Variants in ADAMTSL2 observed in about 807,000 individuals in gnomAD.
ADAMTSL2 encodes ADAMTS-like protein 2.
ADAMTSL2 carries 55 observed loss-of-function variants against 117.0 expected under a neutral mutation model. The ratio of observed to expected loss-of-function variants is 0.47; its 90% CI spans 0.38 to 0.59. The LOEUF (loss-of-function observed/expected upper bound fraction) is 0.59. Among genes scored for constraint, ADAMTSL2 ranks in the 20% least tolerant of loss-of-function variants. The probability of loss-of-function intolerance (pLI) is 0.00; values close to 1 mark genes in which losing one functional copy is unlikely to be tolerated. For missense variants in ADAMTSL2, 1,182 were observed against 1,354.5 expected (o/e 0.87, Z 2.00); for synonymous variants, 572 against 566.4 (o/e 1.01, Z -0.14).
Position 133,574,824 on chromosome 9 carries a change from G to A in ADAMTSL2, c.2816G>A (p.Ser939Asn). 1 of 1,613,590 alleles carries A rather than the reference G, an allele frequency of 6.2e-7. No homozygotes were observed. The highest frequency in any genetic ancestry group is 1.1e-5 in the South Asian group (1 of 91,084). The change falls in exon 19 of 19, where the codon AGC becomes AAC. Residue 939 changes from serine to asparagine, a missense_variant. Physicochemically the swap from Ser to Asn is conservative, Grantham distance 46 (BLOSUM62 1). This residue lies in a region of ADAMTSL2 where 465 missense variants were observed against 565.3 expected (regional missense o/e 0.82). Coordinates refer to ENST00000651351, the MANE Select transcript of ADAMTSL2 (RefSeq NM_014694.4). ...KVNLCGHWYY[S>N]KACCRSCRPP... ...AACCTCTGCGGGCACTGGTACTACAGCAAGGCGTGCTGCCGCTCCTGCAGG... is the reference window on the plus strand; with the variant it reads ...AACCTCTGCGGGCACTGGTACTACAACAAGGCGTGCTGCCGCTCCTGCAGG...
chr9:133,562,348 C>G (rs1830747436), intron 12 of ADAMTSL2, among the ~76,000 whole-genome samples: 1 of 152,276 alleles, frequency 6.6e-6, no homozygotes, highest in African/African-American at 2.4e-5. Context: ...AGCCCCCAAA[C>G]AGGGCATAGC....
Position 133,558,985 on chromosome 9 carries a change from C to T in ADAMTSL2, c.1650-2213C>T, listed in dbSNP as rs1224078699. On this transcript the variant is annotated intron_variant, in intron 11 of 18. Coordinates refer to ENST00000651351, the MANE Select transcript of ADAMTSL2 (RefSeq NM_014694.4). This position sits in a 1 kb window ranked among gnomAD's most constrained non-coding sequence, Gnocchi z 4.3. ...TAAAATCCAAAGGGTTATTTTGAAC[C>T]GGGCCCGCTCTCTCTTGAGTCAGGC... Among the ~76,000 whole-genome samples the T allele has an allele frequency of 1.3e-5, 2 of 152,140 alleles. No individual in the cohort carries two copies. Among genetic ancestry groups the T allele is most frequent in the Middle Eastern group, 3.2e-3 (1 of 316 alleles).
At chr9:133,564,597 G>GGAGAGAGAGGGAGAGA (rs1564178902) in intron 12 of ADAMTSL2, among the ~76,000 whole-genome samples, 1 of 26,144 alleles carries the variant, frequency 3.8e-5, no homozygotes. Context: ...AGAGAGAGGG[G>GGAGAGAGAGGGAGAGA]GAGAGAGAGG....
At chr9:133,566,012 G>A (rs1293890521) in intron 12 of ADAMTSL2, among the ~76,000 whole-genome samples, 14 of 152,220 alleles carry the variant, frequency 9.2e-5, no homozygotes, top group South Asian at 2.1e-4. Flanking sequence ...GTGCAGGGGC[G>A]AGGACGAAAG....
At chr9:133,539,672 C>CGGCTGTCCCGGCTGTCCCGGCTGTCCT (rs1554810818) in intron 4 of ADAMTSL2, 99 bp from the exon 5 acceptor site, 105 of 1,253,036 alleles carry the variant, frequency 8.4e-5, no homozygotes, top group Non-Finnish European at 1.0e-4. Flanking sequence ...CCGGCTGTCC[C>CGGCTGTCCCGGCTGTCCCGGCTGTCCT]GGCTGTCCCG....
intron 17 of ADAMTSL2, among the ~76,000 whole-genome samples, chr9:133,571,014 C>T (rs986364893): frequency 6.6e-6 from 1 of 152,152 alleles, no homozygotes; most frequent in Non-Finnish European, 1.5e-5. Context: ...CGGGTCTGGC[C>T]CCTCCGAGAT....
At chr9:133,570,570 C>T in intron 17 of ADAMTSL2, 63 bp downstream of exon 17, 1 of 1,545,980 alleles carries the variant, frequency 6.5e-7, no homozygotes. Context: ...GATCCCGCCC[C>T]TCCCGCCTCA....
At chr9:133,546,263 C>A (rs1172837434) in intron 8 of ADAMTSL2, among the ~76,000 whole-genome samples, 1 of 152,140 alleles carries the variant, frequency 6.6e-6, no homozygotes, top group Admixed American at 6.5e-5. Flanking sequence ...TGCAGGGCTT[C>A]ATGGGCCATT....
In ADAMTSL2 at chr9:133,538,424, G is replaced by A. The variant is rs766321839; in HGVS notation, c.309G>A (p.Gln103=). The change falls in exon 4 of 19, where the codon CAG becomes CAA. Residue 103 remains glutamine, a splice_region_variant and synonymous_variant. Coordinates refer to ENST00000651351, the MANE Select transcript of ADAMTSL2 (RefSeq NM_014694.4). The part of the protein sequence containing the change: ...TSKRYQLCRV[Q]ECPPDGRSFR... ...AGCGGTACCAGCTCTGCAGAGTGCAGGTGAGGCCCGGCCCGGGCAGGGGCA... is the reference window on the plus strand; with the variant it reads ...AGCGGTACCAGCTCTGCAGAGTGCAAGTGAGGCCCGGCCCGGGCAGGGGCA... 6.2e-7 allele frequency: 1 copy of A among 1,613,042 alleles called. No individual in the cohort carries two copies. Among genetic ancestry groups the A allele is most frequent in the Non-Finnish European group, 8.5e-7 (1 of 1,179,942 alleles).
chr9:133,534,864 C>A lies in ADAMTSL2; in HGVS notation c.-204C>A. 6.7e-7 allele frequency: 1 copy of A among 1,485,312 alleles called. No homozygotes were observed. 92.0% of individuals were successfully genotyped at this position (1,485,312 alleles called of 1,614,324 possible). ...CACAGCGCACCTGGCGCCGTCTGCCCTCCGCAGCGCTCGCCCCTTTCTCTG... is the reference window on the plus strand; with the variant it reads ...CACAGCGCACCTGGCGCCGTCTGCCATCCGCAGCGCTCGCCCCTTTCTCTG... On this transcript the variant is annotated 5_prime_UTR_variant, in exon 1 of 19. Coordinates refer to ENST00000651351, the MANE Select transcript of ADAMTSL2 (RefSeq NM_014694.4).
intron 17 of ADAMTSL2, among the ~76,000 whole-genome samples, chr9:133,572,186 C>G (rs1831123310): frequency 6.6e-6 from 1 of 150,530 alleles, no homozygotes. Context: ...CCCCCCACCC[C>G]CCACCCCGCC....
rs538552140 is a variant in ADAMTSL2, at chr9:133,551,552, G to A, written c.940-2805G>A. Among the ~76,000 whole-genome samples, 9 of 152,308 alleles carry A rather than the reference G, an allele frequency of 5.9e-5. No homozygotes were observed. The South Asian group carries it at 6.2e-4, about 11-fold the overall frequency. On this transcript the variant is annotated intron_variant, in intron 9 of 18. Transcript: ENST00000651351. ...GCCCAAGTGTTCCATCTCTAGTAGG[G>A]CCTCGCAGTGTGCCAGAAGTTTTTT...
chr9:133,555,971 G>T, intron 11 of ADAMTSL2, 41 bp downstream of exon 11: 1 of 1,598,498 alleles, frequency 6.3e-7, no homozygotes, highest in Non-Finnish European at 8.5e-7. Context: ...GGCCCTCAGG[G>T]GGCAGGATGG....
At position 133,534,773 on chromosome 9, in the gene ADAMTSL2, G is replaced by GGGGGAGGA. The variant is rs1482334216; in HGVS notation, c.-289_-282dup. 6.8e-7 allele frequency: 1 copy of GGGGGAGGA among 1,466,942 alleles called. No individual in the cohort carries two copies. The highest frequency in any genetic ancestry group is 1.3e-5 in the South Asian group (1 of 74,326). The allele number at this position is 1,466,942 out of a possible 1,614,324, so 90.9% of individuals were successfully genotyped here. The stretch of plus-strand genomic sequence containing the variant: ...TTGAAGTGGGAGAGGGAGGCGGCGC[G>GGGGGAGGA]GGGGAGGAGGGGAAGGGGAGAGGGA... On this transcript the variant is annotated 5_prime_UTR_variant, in exon 1 of 19. An upstream open reading frame in the 5' UTR gains an earlier in-frame stop. Transcript: ENST00000651351.
intron 11 of ADAMTSL2, among the ~76,000 whole-genome samples, chr9:133,560,706 G>A (rs1337694658): frequency 6.6e-6 from 1 of 152,234 alleles, no homozygotes; most frequent in African/African-American, 2.4e-5. Context: ...TTGGAGGCTG[G>A]ATGCCTAGTG....
At chr9:133,556,330 GC>G (rs2131143049) in intron 11 of ADAMTSL2, among the ~76,000 whole-genome samples, 1 of 152,342 alleles carries the variant, frequency 6.6e-6, no homozygotes, top group South Asian at 2.1e-4. Context: ...GTTGCTATTT[GC>G]TATTGTGGGC....
At chr9:133,562,385 C>T (rs1270964783) in intron 12 of ADAMTSL2, among the ~76,000 whole-genome samples, 2 of 152,346 alleles carry the variant, frequency 1.3e-5, no homozygotes, top group African/African-American at 2.4e-5. Flanking sequence ...TTCGCCCCTG[C>T]GCCTGGCATC....
At position 133,555,694 on chromosome 9, in the gene ADAMTSL2, C is replaced by G; in HGVS notation, c.1413C>G (p.Asp471Glu). The G allele has an allele frequency of 6.2e-7, 1 of 1,613,946 alleles. No individual in the cohort carries two copies. Among genetic ancestry groups the G allele is most frequent in the South Asian group, 1.1e-5 (1 of 91,088 alleles). ...TGGGCGCAGGCTCTGACTTGAAGGA[C>G]TTCACCCTCAATGAGACTGTGAACA... ...QLLGAGSDLK[D>E]FTLNETVNSI... The change falls in exon 11 of 19, where the codon GAC (aspartate) becomes GAG (glutamate). Residue 471 changes from aspartate (D) to glutamate (E), a missense_variant. This residue lies in a region of ADAMTSL2 where 345 missense variants were observed against 325.8 expected (regional missense o/e 1.06). Transcript: ENST00000651351.
chr9:133,566,893 G>C, intron 12 of ADAMTSL2, 43 bp from the exon 13 acceptor site: 1 of 1,586,292 alleles, frequency 6.3e-7, no homozygotes, highest in African/African-American at 1.3e-5. Context: ...TGGGCTCCAA[G>C]GTGCCGGCAT....
Sources: allele counts gnomAD v4.1 joint callset (sites outside exome capture counted in the v4.1 genomes callset), GRCh38; gene constraint gnomAD v4.1.1; regional missense constraint gnomAD v4.1.1; non-coding constraint Gnocchi (gnomAD v3.1); transcripts MANE v1.5; gene names NCBI Gene and HGNC (gene_info 2026-07-23, HGNC 2026-07-21).